RREB1: variants seen among roughly 807,000 people sequenced by gnomAD.
RREB1 encodes ras-responsive element-binding protein 1.
A neutral mutation model predicts 117.8 loss-of-function variants in RREB1; 27 were observed. The ratio of observed to expected loss-of-function variants is 0.23; its 90% CI spans 0.17 to 0.32. The LOEUF is 0.32. Among genes scored for constraint, RREB1 ranks in the 10% least tolerant of loss-of-function variants. The pLI is 1.00. For synonymous variants in RREB1, 1,298 were observed against 1,026.7 expected (o/e 1.26, Z -5.05); for missense variants, 2,577 against 2,378.2 (o/e 1.08, Z -1.74).
At chr6:7,172,690 G>T (rs1039308575) in intron 1 of RREB1, among the ~76,000 whole-genome samples, 7 of 140,224 alleles carry the variant, frequency 5.0e-5, no homozygotes, top group African/African-American at 1.7e-4. Flanking sequence ...GGTTGCCGGT[G>T]TGGGGGGGTG....
At chr6:7,215,383 C>G (rs1766841934) in intron 8 of RREB1, 1 of 152,210 alleles carries the variant, frequency 6.6e-6, no homozygotes, top group Non-Finnish European at 1.5e-5. Context: ...GTCACCCAGG[C>G]TGGTGTCCAG....
chr6:7,125,146 T>C (rs939978863), intron 1 of RREB1, among the ~76,000 whole-genome samples: 1 of 152,182 alleles, frequency 6.6e-6, no homozygotes, highest in Admixed American at 6.5e-5. Context: ...CAGTGTTTTG[T>C]GGAAGTGAGG....
intron 10 of RREB1, among the ~76,000 whole-genome samples, chr6:7,238,261 A>G (rs1243223040): frequency 6.6e-6 from 1 of 152,212 alleles, no homozygotes; most frequent in Non-Finnish European, 1.5e-5. Flanking sequence ...TATTTTTGAG[A>G]CAGAGTCTGT....
At position 7,230,670 on chromosome 6, in the gene RREB1, G is replaced by T; in HGVS notation, c.2571G>T (p.Lys857Asn). The T allele has an allele frequency of 6.3e-7, 1 of 1,593,880 alleles. No homozygotes were observed. The highest frequency in any genetic ancestry group is 8.6e-7 in the Non-Finnish European group (1 of 1,169,534). ...GCTGCGCTGCCCTTGGTGACTGCAA[G>T]CCCCTCACTGCCTTCCTGGAACCCC... ...DSGCAALGDC[K>N]PLTAFLEPQN... is the part of the protein sequence containing the mutation. Residue 857 changes from lysine (K) to asparagine (N), a missense_variant, in exon 10 of 13, where the codon AAG (lysine) becomes AAT (asparagine). Lys to Asn is a moderately conservative substitution (Grantham distance 94, BLOSUM62 0). Transcript: ENST00000379938.
intron 1 of RREB1, among the ~76,000 whole-genome samples, chr6:7,163,749 C>T (rs1279150657): frequency 1.3e-5 from 2 of 152,152 alleles, no homozygotes; most frequent in Non-Finnish European, 2.9e-5. Flanking sequence ...TGTGTGAGCA[C>T]GTGTGTGCCT....
rs964848783 is a variant in RREB1 at position 7,234,584 on chromosome 6, G to C, written c.3808+2677G>C. ...GAAAGCAGGAGGTTTGTTTAAGTTAGGATGGGGTAGATATAAATATAAACA... is the reference window on the plus strand; with the variant it reads ...GAAAGCAGGAGGTTTGTTTAAGTTACGATGGGGTAGATATAAATATAAACA... On this transcript the variant is annotated intron_variant, in intron 10 of 12. Coordinates refer to ENST00000379938, the MANE Select transcript of RREB1 (RefSeq NM_001003699.4). Among the ~76,000 whole-genome samples, 3 of 152,200 alleles carry C rather than the reference G, an allele frequency of 2.0e-5. No homozygotes were observed. The East Asian group carries it at 5.8e-4, about 29-fold the overall frequency.
intron 1 of RREB1, among the ~76,000 whole-genome samples, chr6:7,175,096 GA>G (rs1278085290): frequency 2.6e-5 from 4 of 151,980 alleles, no homozygotes; most frequent in African/African-American, 9.7e-5. Context: ...ATTAAAATAT[GA>G]AAAAAGAATA....
chr6:7,243,102 C>T (rs547853892), intron 11 of RREB1, among the ~76,000 whole-genome samples: 6 of 152,298 alleles, frequency 3.9e-5, no homozygotes, highest in Non-Finnish European at 7.3e-5. Flanking sequence ...CTTTACCAGC[C>T]CAGAAGTCCC....
intron 7 of RREB1, among the ~76,000 whole-genome samples, 186 bp from the exon 8 acceptor site, chr6:7,211,387 G>GATGA (rs1766595087): frequency 6.6e-6 from 1 of 151,512 alleles, no homozygotes; most frequent in Admixed American, 6.6e-5. Context: ...TGGATGGATG[G>GATGA]ATGGTAGCGT....
At chr6:7,129,142 A>C (rs1183836518) in intron 1 of RREB1, among the ~76,000 whole-genome samples, 2 of 152,172 alleles carry the variant, frequency 1.3e-5, no homozygotes, top group Admixed American at 1.3e-4. Context: ...GTGGACCCTG[A>C]GCCAAGTTCC....
intron 1 of RREB1, among the ~76,000 whole-genome samples, chr6:7,127,878 G>GA (rs1762004700): frequency 6.6e-6 from 1 of 152,020 alleles, no homozygotes; most frequent in Non-Finnish European, 1.5e-5. Flanking sequence ...CCTCTGCTTG[G>GA]ATCCACCCCC....
chr6:7,224,222 C>T (rs1767450316), intron 8 of RREB1, among the ~76,000 whole-genome samples: 1 of 152,062 alleles, frequency 6.6e-6, no homozygotes, highest in East Asian at 1.9e-4. Flanking sequence ...TTCTCTCTTC[C>T]CCAACCCAGG....
chr6:7,135,956 G>A (rs1009593751), intron 1 of RREB1, among the ~76,000 whole-genome samples: 2 of 152,158 alleles, frequency 1.3e-5, no homozygotes, highest in Non-Finnish European at 2.9e-5. Context: ...GACCTGGTGA[G>A]AGAGGTGGCA....
At chr6:7,248,410 C>G (rs910576899) in intron 12 of RREB1, 101 bp from the exon 13 acceptor site, 1 of 1,012,282 alleles carries the variant, frequency 9.9e-7, no homozygotes. Context: ...GTCCTGGCCC[C>G]CCGCACATAG....
chr6:7,128,487 A>G (rs955847760), intron 1 of RREB1, among the ~76,000 whole-genome samples: 1 of 152,150 alleles, frequency 6.6e-6, no homozygotes, highest in African/African-American at 2.4e-5. Context: ...CAACAACTTC[A>G]TGAGGTGTAG....
chr6:7,122,798 A>G (rs553200566), intron 1 of RREB1, among the ~76,000 whole-genome samples: 1 of 151,568 alleles, frequency 6.6e-6, no homozygotes, highest in African/African-American at 2.4e-5. Flanking sequence ...TTAGAGGTCA[A>G]ATGAGAAGTG....
chr6:7,181,503 A>C (rs762698284), intron 3 of RREB1: 15 of 480,130 alleles, frequency 3.1e-5, no homozygotes, highest in Non-Finnish European at 5.1e-5. Flanking sequence ...GTAGTGAATA[A>C]GCCTAGGTTC....
intron 1 of RREB1, among the ~76,000 whole-genome samples, chr6:7,159,338 C>T (rs1041212948): frequency 2.0e-5 from 3 of 152,174 alleles, no homozygotes; most frequent in African/African-American, 7.2e-5. Flanking sequence ...TTCACAGTCA[C>T]ACTGAGAAAG....
At chr6:7,170,621 C>CCTGT (rs1356073925) in intron 1 of RREB1, among the ~76,000 whole-genome samples, 1 of 152,226 alleles carries the variant, frequency 6.6e-6, no homozygotes, top group Non-Finnish European at 1.5e-5. Flanking sequence ...GCTGGCCTTG[C>CCTGT]CTGTCTGAAG....
Sources: gnomAD v4.1 joint callset for allele counts (sites outside exome capture counted in the v4.1 genomes callset) on GRCh38, gnomAD v4.1.1 for gene constraint, MANE v1.5 for transcripts, NCBI Gene and HGNC (gene_info 2026-07-23, HGNC 2026-07-21) for gene names.